The following DMD variants were observed in gnomAD, a reference collection of about 807,000 sequenced individuals.
DMD encodes mutant dystrophin.
In DMD, 63 loss-of-function variants were observed where a neutral mutation model predicts 330.1. The ratio of observed to expected loss-of-function variants is 0.19; its 90% CI spans 0.16 to 0.24. The LOEUF is 0.24. Among genes scored for constraint, DMD ranks in the 10% least tolerant of loss-of-function variants. DMD has a pLI of 1.00. For synonymous variants in DMD, 1,223 were observed against 959.8 expected (o/e 1.27, Z -5.07); for missense variants, 3,344 against 2,684.1 (o/e 1.25, Z -5.43).
chrX:33,021,486 G>T (rs994438579), intron 1 of DMD, among the ~76,000 whole-genome samples: 1 of 111,254 alleles, frequency 9.0e-6, no homozygotes, highest in African/African-American at 3.3e-5. Context: ...TAAAAGAACC[G>T]TTATTAAAAT....
intron 55 of DMD, among the ~76,000 whole-genome samples, chrX:31,602,321 GTTTT>G (rs773800072): frequency 1.1e-5 from 1 of 91,886 alleles, no homozygotes. Flanking sequence ...CCTTTCTCCA[GTTTT>G]TTTTTTTTTT....
chrX:32,587,144 T>C (rs916582440), intron 13 of DMD, among the ~76,000 whole-genome samples: 4 of 111,974 alleles, frequency 3.6e-5, no homozygotes, highest in African/African-American at 1.3e-4. Context: ...AAATTTCAGT[T>C]ACCTAACTGA....
chrX:32,114,851 C>T (rs1260879937), intron 44 of DMD, among the ~76,000 whole-genome samples: 1 of 112,473 alleles, frequency 8.9e-6, no homozygotes. Flanking sequence ...AAGCCACTGT[C>T]TGTATATCCT....
chrX:31,831,044 C>G (rs964062648), intron 49 of DMD, among the ~76,000 whole-genome samples: 11 of 112,639 alleles, frequency 9.8e-5, no homozygotes, highest in African/African-American at 3.5e-4. Context: ...TCCTTAGAAT[C>G]ATGCAGCCAG....
At chrX:31,362,921 G>A (rs928056294) in intron 60 of DMD, among the ~76,000 whole-genome samples, 1 of 112,726 alleles carries the variant, frequency 8.9e-6, no homozygotes. Context: ...CTGCACTCCA[G>A]CCTGGGTGAC....
At chrX:32,820,703 G>A (rs1006502221) in intron 5 of DMD, among the ~76,000 whole-genome samples, 4 of 111,326 alleles carry the variant, frequency 3.6e-5, no homozygotes, top group South Asian at 3.8e-4. Flanking sequence ...TACGCAAAGC[G>A]GGATCTGCAA....
In DMD at chrX:32,149,002, T is replaced by A. The variant is rs144900344; in HGVS notation, c.6438+67914A>T. Among the ~76,000 whole-genome samples, 1,084 of 112,338 alleles carry A rather than the reference T, an allele frequency of 9.6e-3. 17 individuals are homozygous for A. Among genetic ancestry groups the A allele is most frequent in the African/African-American group, 0.029 (901 of 30,971 alleles). On this transcript the variant is annotated intron_variant, in intron 44 of 78. Transcript: ENST00000357033. Reference sequence around the variant, plus strand: ...ACAATAATAAAGTGACAAAGTGATATGCATTTTCTTTTATACCATTTTCTT... The same window carrying A: ...ACAATAATAAAGTGACAAAGTGATAAGCATTTTCTTTTATACCATTTTCTT...
intron 4 of DMD, among the ~76,000 whole-genome samples, chrX:32,844,406 C>CAA (rs113585554): frequency 3.2e-3 from 237 of 73,992 alleles, no homozygotes; most frequent in Non-Finnish European, 5.7e-3. Flanking sequence ...GACTCCATCT[C>CAA]AAAAAAAAAA....
intron 52 of DMD, among the ~76,000 whole-genome samples, chrX:31,689,625 A>C (rs1000883973): frequency 3.6e-5 from 4 of 111,424 alleles, no homozygotes; most frequent in Admixed American, 1.9e-4. Context: ...ACTACTTTAA[A>C]GTTCATATGG....
Position 31,555,442 on chromosome X carries a change from CAT to C in DMD, c.8218-47991_8218-47990del, listed in dbSNP as rs367894547. Among the ~76,000 whole-genome samples the C allele has an allele frequency of 4.5e-3, 501 of 112,278 alleles. 1 individual carries two copies. The highest frequency in any genetic ancestry group is 0.015 in the African/African-American group (470 of 30,927). ...AAATATTCATAATATGCTAAATACA[CAT>C]GAGACCAAATATACAAGAGGCACTA... On this transcript the variant is annotated intron_variant, in intron 55 of 78. Transcript: ENST00000357033.
intron 23 of DMD, among the ~76,000 whole-genome samples, chrX:32,467,811 TGACCTCCA>T (rs1451031165): frequency 3.6e-5 from 4 of 109,690 alleles, no homozygotes; most frequent in African/African-American, 1.3e-4. Flanking sequence ...TCTGAACTTC[TGACCTCCA>T]GAACAGTAAT....
At chrX:33,116,052 G>A (rs748811553) in intron 1 of DMD, among the ~76,000 whole-genome samples, 24 of 108,938 alleles carry the variant, frequency 2.2e-4, no homozygotes, top group Non-Finnish European at 3.1e-4. Flanking sequence ...AATTGGCCAG[G>A]CATGGTGGCG....
chrX:33,150,466 G>T (rs771753985), intron 1 of DMD, among the ~76,000 whole-genome samples: 1 of 109,206 alleles, frequency 9.2e-6, no homozygotes, highest in African/African-American at 3.3e-5. Flanking sequence ...GCTAATCTTT[G>T]TATGTTTAGT....
chrX:31,882,513 C>T (rs1280957744), intron 47 of DMD, among the ~76,000 whole-genome samples: 1 of 111,445 alleles, frequency 9.0e-6, no homozygotes, highest in Non-Finnish European at 1.9e-5. Flanking sequence ...ACATAAAAAG[C>T]ATTAGCCATA....
intron 1 of DMD, among the ~76,000 whole-genome samples, chrX:33,120,513 T>C (rs1279011284): frequency 9.0e-6 from 1 of 110,608 alleles, no homozygotes; most frequent in Non-Finnish European, 1.9e-5. Context: ...GAAAGAAATA[T>C]GCGGCAGAAC....
intron 29 of DMD, among the ~76,000 whole-genome samples, chrX:32,415,828 C>G (rs1297229341): frequency 1.8e-5 from 2 of 111,801 alleles, no homozygotes; most frequent in Non-Finnish European, 3.8e-5. Flanking sequence ...TATATTTTAA[C>G]CCAGTTTTCA....
rs997115268 is a variant in DMD at position 31,972,420 on chromosome X, T to G, written c.6439-3906A>C. ...ACGTACATTTTTTTAAAAGTCTATTTGTAAAACTTTCCAAAACTGCATGAA... is the reference window on the plus strand; with the variant it reads ...ACGTACATTTTTTTAAAAGTCTATTGGTAAAACTTTCCAAAACTGCATGAA... On this transcript the variant is annotated intron_variant, in intron 44 of 78. Coordinates refer to ENST00000357033, the MANE Select transcript of DMD (RefSeq NM_004006.3). 6.3e-5 allele frequency among the ~76,000 whole-genome samples: 7 copies of G among 111,706 alleles called. No individual in the cohort carries two copies. In the East Asian group the frequency reaches 2.0e-3, roughly 31 times the overall value.
At chrX:32,263,839 C>A (rs184120472) in intron 43 of DMD, among the ~76,000 whole-genome samples, 92 of 111,692 alleles carry the variant, frequency 8.2e-4, no homozygotes, top group Non-Finnish European at 1.1e-3. Context: ...TTCTACCAAC[C>A]CTCATTTATC....
At chrX:31,162,427 G>A (rs1271930297) in intron 74 of DMD, among the ~76,000 whole-genome samples, 1 of 104,915 alleles carries the variant, frequency 9.5e-6, no homozygotes, top group African/African-American at 3.5e-5. Flanking sequence ...ATGTTCTAGG[G>A]AGATGGCAGC....
Sources: gnomAD v4.1 joint callset for allele counts (sites outside exome capture counted in the v4.1 genomes callset) on GRCh38, gnomAD v4.1.1 for gene constraint, MANE v1.5 for transcripts, NCBI Gene and HGNC (gene_info 2026-07-23, HGNC 2026-07-21) for gene names.